ZBTB20: variants seen among roughly 807,000 people sequenced by gnomAD.
The protein encoded by ZBTB20 is zinc finger and BTB domain containing 20, also known as zinc finger and BTB domain-containing protein 20.
In ZBTB20, 9 loss-of-function variants were observed where a neutral mutation model predicts 56.9. That is an observed-to-expected ratio of 0.16 (90% CI 0.10 to 0.28). The LOEUF is 0.28. Ranked by LOEUF, ZBTB20 falls within the 10% of genes least tolerant of loss-of-function variation. The probability of loss-of-function intolerance (pLI) is 1.00; values close to 1 mark genes in which losing one functional copy is unlikely to be tolerated. For synonymous variants in ZBTB20, 417 were observed against 420.7 expected, an observed-to-expected ratio of 0.99 and a Z score of 0.11; for missense variants, 655 against 1,003.0, an observed-to-expected ratio of 0.65 and a Z score of 4.69.
chr3:115,019,293 G>T (rs1042788884), intron 2 of ZBTB20, among the ~76,000 whole-genome samples: 1 of 150,948 alleles, frequency 6.6e-6, no homozygotes, highest in Non-Finnish European at 1.5e-5. Flanking sequence ...CATATTCAGG[G>T]GTTGTTTTGA....
intron 5 of ZBTB20, among the ~76,000 whole-genome samples, chr3:114,750,142 C>T (rs1233870391): frequency 6.6e-6 from 1 of 152,132 alleles, no homozygotes; most frequent in Non-Finnish European, 1.5e-5. Flanking sequence ...ATAAGTCTTG[C>T]TCCCCAAATC....
At chr3:114,803,888 G>A (rs1460741143) in intron 4 of ZBTB20, among the ~76,000 whole-genome samples, 1 of 150,854 alleles carries the variant, frequency 6.6e-6, no homozygotes, top group African/African-American at 2.4e-5. Flanking sequence ...TCACATTTCA[G>A]GTTCCAAAAT....
intron 1 of ZBTB20, among the ~76,000 whole-genome samples, chr3:115,088,946 T>C (rs2083089306): frequency 7.1e-6 from 1 of 141,830 alleles, no homozygotes; most frequent in South Asian, 2.2e-4. Flanking sequence ...CTCTCAAATA[T>C]AAATATAAAC....
chr3:114,789,569 G>C (rs952971206), intron 5 of ZBTB20, among the ~76,000 whole-genome samples: 6 of 152,108 alleles, frequency 3.9e-5, no homozygotes, highest in South Asian at 2.1e-4. Flanking sequence ...GAGTAAACAA[G>C]TGAAGGTAAT....
intron 3 of ZBTB20, among the ~76,000 whole-genome samples, chr3:114,934,057 A>G (rs931748647): frequency 1.3e-5 from 2 of 152,182 alleles, no homozygotes; most frequent in Admixed American, 6.5e-5. Context: ...CATCTCTGGA[A>G]TACCCCACCT....
At chr3:114,551,918 T>C (rs1235753784) in intron 6 of ZBTB20, among the ~76,000 whole-genome samples, 1 of 152,196 alleles carries the variant, frequency 6.6e-6, no homozygotes, top group Non-Finnish European at 1.5e-5. Flanking sequence ...TGGAAACTCA[T>C]CTTCAGCTAA....
intron 3 of ZBTB20, among the ~76,000 whole-genome samples, chr3:114,973,191 T>A (rs2077959942): frequency 6.6e-6 from 1 of 152,224 alleles, no homozygotes; most frequent in African/African-American, 2.4e-5. Context: ...AGTACTTCTG[T>A]ACCTTAAAAT....
intron 1 of ZBTB20, among the ~76,000 whole-genome samples, chr3:115,120,011 G>C (rs2084136038): frequency 6.6e-6 from 1 of 152,098 alleles, no homozygotes; most frequent in African/African-American, 2.4e-5. Flanking sequence ...ATCAGTGGTT[G>C]CCAGGGGCTG....
chr3:114,741,718 C>CAA lies in ZBTB20; in HGVS notation c.-342-48145_-342-48144dup, dbSNP rs547113766. 7.4e-5 allele frequency among the ~76,000 whole-genome samples: 10 copies of CAA among 135,178 alleles called. No homozygotes were observed. In the East Asian group the frequency reaches 8.5e-4, roughly 11 times the overall value. The allele number at this position is 135,178 out of a possible 152,430, so 88.7% of individuals were successfully genotyped here. A position where few individuals can be genotyped will look rare whatever the true frequency, so the allele number is the denominator to read the frequency against. On this transcript the variant is annotated intron_variant, in intron 5 of 11. Coordinates refer to ENST00000675478, the MANE Select transcript of ZBTB20 (RefSeq NM_001348800.3). The stretch of plus-strand genomic sequence containing the variant: ...GGAAACCCCGTCTCTACTGAAAATA[C>CAA]AAAAAAAAAAAAAATTAGCTGGGCA...
chr3:114,512,624 TA>T (rs1181098949), intron 6 of ZBTB20, among the ~76,000 whole-genome samples: 4 of 152,184 alleles, frequency 2.6e-5, no homozygotes, highest in Non-Finnish European at 5.9e-5. Flanking sequence ...TCAACACAGC[TA>T]ATTTTTATAT....
At chr3:114,462,213 G>T (rs2092363612) in intron 7 of ZBTB20, among the ~76,000 whole-genome samples, 1 of 152,048 alleles carries the variant, frequency 6.6e-6, no homozygotes, top group South Asian at 2.1e-4. Flanking sequence ...TATTAACTAG[G>T]GCTCCCAGGT....
intron 1 of ZBTB20, among the ~76,000 whole-genome samples, chr3:115,145,580 T>C: frequency 6.6e-6 from 1 of 152,206 alleles, no homozygotes; most frequent in East Asian, 1.9e-4. Flanking sequence ...AAAAACTATA[T>C]ATATTCTATT....
At chr3:114,358,123 T>C (rs892416580) in intron 10 of ZBTB20, among the ~76,000 whole-genome samples, 1 of 152,164 alleles carries the variant, frequency 6.6e-6, no homozygotes. Flanking sequence ...AAATTAGATA[T>C]TGTGGTATAA....
chr3:115,044,825 A>G (rs1242874649), intron 2 of ZBTB20, among the ~76,000 whole-genome samples: 1 of 152,224 alleles, frequency 6.6e-6, no homozygotes, highest in Non-Finnish European at 1.5e-5. Flanking sequence ...CTATGTGGAT[A>G]TTGTGAGAAT....
rs1452181071 is a variant in ZBTB20 at position 114,333,771 on chromosome 3, G to C, written c.*5234C>G. 6.6e-6 allele frequency: 1 copy of C among 152,110 alleles called. No individual in the cohort carries two copies. Among genetic ancestry groups the C allele is most frequent in the African/African-American group, 2.4e-5 (1 of 41,422 alleles). 9.4% of individuals were successfully genotyped at this position (152,110 alleles called of 1,614,324 possible). On this transcript the variant is annotated 3_prime_UTR_variant, in exon 12 of 12. Transcript: ENST00000675478. The stretch of plus-strand genomic sequence containing the variant: ...TCAGAGCCAGAAATCACTGAAAAGA[G>C]AGTCTGTCGACCCTGCCCATGGAAA...
At chr3:114,580,026 T>C (rs1310693149) in intron 6 of ZBTB20, among the ~76,000 whole-genome samples, 1 of 151,714 alleles carries the variant, frequency 6.6e-6, no homozygotes, top group African/African-American at 2.4e-5. Flanking sequence ...ACTCAGCTTA[T>C]TTTGTGAGGC....
At chr3:114,490,588 C>G (rs1411490746) in intron 7 of ZBTB20, among the ~76,000 whole-genome samples, 1 of 152,130 alleles carries the variant, frequency 6.6e-6, no homozygotes, top group Admixed American at 6.5e-5. Context: ...CCTGTCTACA[C>G]TCCTGTCTCC....
At chr3:114,714,892 TAGAC>T (rs1417198451) in intron 5 of ZBTB20, among the ~76,000 whole-genome samples, 9 of 152,198 alleles carry the variant, frequency 5.9e-5, no homozygotes, top group East Asian at 5.8e-4. Flanking sequence ...GGCAGAAAGA[TAGAC>T]AGACCAACAA....
chr3:114,852,792 C>A (rs2075067159), intron 4 of ZBTB20, among the ~76,000 whole-genome samples: 1 of 152,156 alleles, frequency 6.6e-6, no homozygotes, highest in Admixed American at 6.6e-5. Context: ...TGAGTTAATT[C>A]TATCAGCTGT....
Sources: gnomAD v4.1 joint callset for allele counts (sites outside exome capture counted in the v4.1 genomes callset) on GRCh38, gnomAD v4.1.1 for gene constraint, MANE v1.5 for transcripts, NCBI Gene and HGNC (gene_info 2026-07-23, HGNC 2026-07-21) for gene names.